Variants in TCEAL4 observed in about 807,000 individuals in gnomAD.
The protein encoded by TCEAL4 is transcription elongation factor A like 4, also known as transcription elongation factor A protein-like 4.
A neutral mutation model predicts 1.3 loss-of-function variants in TCEAL4; 1 was observed. That is an observed-to-expected ratio of 0.79 (90% CI 0.28 to 3.76). The LOEUF is 3.76. Among genes scored for constraint, TCEAL4 ranks in the 30% most tolerant of loss-of-function variants. TCEAL4 has a pLI of 0.18. For missense variants in TCEAL4, 129 were observed against 154.7 expected (o/e 0.83, Z 0.88); for synonymous variants, 54 against 50.7 (o/e 1.06, Z -0.28).
upstream of TCEAL4, chrX:103,585,401 G>A: frequency 1.1e-6 from 1 of 934,185 alleles, no homozygotes. Context: ...GGACAAAAGG[G>A]CCCAGGGAGG....
chrX:103,585,785 G>A (rs2073537886), intron 1 of TCEAL4, 161 bp downstream of exon 1: 1 of 1,126,427 alleles, frequency 8.9e-7, no homozygotes, highest in African/African-American at 1.8e-5. Flanking sequence ...AGGGGTGGCT[G>A]AGGGGGAGCA....
rs767461004 is a variant in TCEAL4 at position 103,585,585 on chromosome X, C to T, written c.-140C>T. 2.6e-6 allele frequency: 3 copies of T among 1,162,018 alleles called. No individual in the cohort carries two copies. In the South Asian group the frequency reaches 5.7e-5, roughly 22 times the overall value. On this transcript the variant is annotated 5_prime_UTR_variant, in exon 1 of 3. Coordinates refer to ENST00000472484, the MANE Select transcript of TCEAL4 (RefSeq NM_001006935.3). ...CCCCGCGGCTGGGTCTCGTCTGCTCCGGTTCCTGGGCTCCTAATTCTTGGT... is the reference window on the plus strand; with the variant it reads ...CCCCGCGGCTGGGTCTCGTCTGCTCTGGTTCCTGGGCTCCTAATTCTTGGT...
upstream of TCEAL4, among the ~76,000 whole-genome samples, chrX:103,583,880 T>A (rs2073519856): frequency 8.9e-6 from 1 of 112,290 alleles, no homozygotes; most frequent in Non-Finnish European, 1.9e-5. Context: ...AAGAAAATTA[T>A]CATTGTGGGT....
chrX:103,576,366 A>T, exon 1 of TCEAL4: 1 of 984,648 alleles, frequency 1.0e-6, no homozygotes, highest in Non-Finnish European at 1.4e-6. Flanking sequence ...TATTAAGGTT[A>T]GTATTGCTGC....
rs1228511994 is a variant in TCEAL4 at position 103,585,578 on chromosome X, T to G, written c.-147T>G. 1 of 1,165,229 alleles carries G rather than the reference T, an allele frequency of 8.6e-7. No homozygotes were observed. The highest frequency in any genetic ancestry group is 2.6e-5 in the Admixed American group (1 of 38,627). ...CCTCTGTCCCCGCGGCTGGGTCTCG[T>G]CTGCTCCGGTTCCTGGGCTCCTAAT... On this transcript the variant is annotated 5_prime_UTR_variant, in exon 1 of 3. Transcript: ENST00000472484.
rs918936320 is a variant in TCEAL4, at chrX:103,585,527, A to G, written c.-198A>G. On this transcript the variant is annotated 5_prime_UTR_variant, in exon 1 of 3. It removes an upstream start codon present in the reference 5' UTR. Coordinates refer to ENST00000472484, the MANE Select transcript of TCEAL4 (RefSeq NM_001006935.3). The stretch of plus-strand genomic sequence containing the variant: ...ATTCACGTGATCTGCACGGGCGCAG[A>G]TGTAGGCACCGGTCCGAGTGCCTGC... The G allele has an allele frequency of 3.5e-6, 4 of 1,148,086 alleles. No homozygotes were observed. Among genetic ancestry groups the G allele is most frequent in the Non-Finnish European group, 4.6e-6 (4 of 861,815 alleles). The allele number at this position is 1,148,086 out of a possible 1,213,427, so 94.6% of individuals were successfully genotyped here.
Position 103,585,544 on chromosome X carries a change from A to G in TCEAL4, c.-181A>G. 1 of 1,159,202 alleles carries G rather than the reference A, an allele frequency of 8.6e-7. No individual in the cohort carries two copies. The highest frequency in any genetic ancestry group is 1.2e-6 in the Non-Finnish European group (1 of 867,980). ...GGGCGCAGATGTAGGCACCGGTCCG[A>G]GTGCCTGCCCTCTGTCCCCGCGGCT... On this transcript the variant is annotated 5_prime_UTR_variant, in exon 1 of 3. Coordinates refer to ENST00000472484, the MANE Select transcript of TCEAL4 (RefSeq NM_001006935.3).
At chrX:103,578,671 C>T (rs2073494578) in intron 2 of TCEAL4, among the ~76,000 whole-genome samples, 1 of 111,511 alleles carries the variant, frequency 9.0e-6, no homozygotes, top group East Asian at 2.8e-4. Flanking sequence ...AGATCCTTTG[C>T]CCATTTTAAA....
upstream of TCEAL4, among the ~76,000 whole-genome samples, chrX:103,580,702 C>T (rs1603159008): frequency 9.0e-6 from 1 of 111,477 alleles, no homozygotes; most frequent in East Asian, 2.8e-4. Context: ...AGCAATCCAC[C>T]CACCTTGGCT....
upstream of TCEAL4, among the ~76,000 whole-genome samples, chrX:103,581,256 C>A (rs2073506623): frequency 9.0e-6 from 1 of 110,922 alleles, no homozygotes; most frequent in Non-Finnish European, 1.9e-5. Context: ...CTAACAGCAA[C>A]AACAACAAAA....
Position 103,586,952 on chromosome X carries a change from A to G in TCEAL4, c.277A>G (p.Lys93Glu). The G allele has an allele frequency of 2.5e-6, 3 of 1,209,600 alleles. No individual in the cohort carries two copies. Among genetic ancestry groups the G allele is most frequent in the Non-Finnish European group, 3.4e-6 (3 of 894,628 alleles). The change falls in exon 3 of 3, where the codon AAA becomes GAA. Residue 93 changes from lysine to glutamate, a missense_variant. Physicochemically the swap from Lys to Glu is moderately conservative, Grantham distance 56. Around this residue, in one of 2 missense-constraint regions of TCEAL4, gnomAD observed 116 missense variants for 120.3 expected, o/e 0.96. Transcript: ENST00000472484. ...EMEGGSEREG[K>E]PEIEGKPESE... is the part of the protein sequence containing the mutation. ...GGAGGGAGGATCAGAGAGAGAGGGAAAACCAGAGATAGAGGGAAAGCCAGA... is the reference window on the plus strand; with the variant it reads ...GGAGGGAGGATCAGAGAGAGAGGGAGAACCAGAGATAGAGGGAAAGCCAGA...
intron 2 of TCEAL4, 159 bp downstream of exon 2, chrX:103,586,450 A>G (rs1223989267): frequency 2.4e-6 from 2 of 836,125 alleles, no homozygotes; most frequent in Non-Finnish European, 3.3e-6. Flanking sequence ...AGAGCCTGTC[A>G]GGCAATGGCT....
intron 2 of TCEAL4, among the ~76,000 whole-genome samples, chrX:103,580,223 C>T (rs753076292): frequency 8.0e-5 from 9 of 112,037 alleles, no homozygotes; most frequent in Middle Eastern, 9.2e-3. Flanking sequence ...ATTATTTTTA[C>T]TGTGTATTAA....
intron 2 of TCEAL4, 80 bp downstream of exon 2, chrX:103,586,371 G>A: frequency 9.2e-7 from 1 of 1,090,758 alleles, no homozygotes; most frequent in Non-Finnish European, 1.2e-6. Context: ...GCCGAATTGG[G>A]GCCTTTCCCA....
chrX:103,576,555 G>A, intron 1 of TCEAL4: 1 of 899,959 alleles, frequency 1.1e-6, no homozygotes, highest in Non-Finnish European at 1.6e-6. Flanking sequence ...CCTGAGGTCA[G>A]GAGTTTGAGG....
intron 1 of TCEAL4, chrX:103,585,829 C>A: frequency 9.5e-7 from 1 of 1,052,242 alleles, no homozygotes; most frequent in Non-Finnish European, 1.3e-6. Context: ...GGAAGGCGAG[C>A]ACCCCCAAGT....
In TCEAL4 at chrX:103,585,937, G is replaced by A. The variant is rs1045449664; in HGVS notation, c.-100-282G>A. On this transcript the variant is annotated intron_variant, in intron 1 of 2. Coordinates refer to ENST00000472484, the MANE Select transcript of TCEAL4 (RefSeq NM_001006935.3). ...GGGCCGCCCCAGTAGTGAGACAGTGGAAGTAAACCCCATCTGCCGTTCCCG... is the reference window on the plus strand; with the variant it reads ...GGGCCGCCCCAGTAGTGAGACAGTGAAAGTAAACCCCATCTGCCGTTCCCG... The A allele has an allele frequency of 5.6e-6, 6 of 1,075,830 alleles. No individual in the cohort carries two copies. The African/African-American group carries it at 1.1e-4, about 21-fold the overall frequency. The allele number at this position is 1,075,830 out of a possible 1,213,427, so 88.7% of individuals were successfully genotyped here. A position where few individuals can be genotyped will look rare whatever the true frequency, so the allele number is the denominator to read the frequency against.
intron 2 of TCEAL4, among the ~76,000 whole-genome samples, chrX:103,579,795 T>C (rs1018723280): frequency 3.6e-5 from 4 of 112,097 alleles, no homozygotes; most frequent in African/African-American, 1.3e-4. Flanking sequence ...TATCTGAATG[T>C]ATGTCAGAAA....
rs1204374631 is a variant in TCEAL4, at chrX:103,586,948, G to C, written c.273G>C (p.Glu91Asp). The C allele has an allele frequency of 1.7e-6, 2 of 1,208,988 alleles. No homozygotes were observed. Among genetic ancestry groups the C allele is most frequent in the South Asian group, 1.8e-5 (1 of 56,697 alleles). The part of the protein sequence containing the change: ...ESEMEGGSER[E>D]GKPEIEGKPE... ...AGATGGAGGGAGGATCAGAGAGAGAGGGAAAACCAGAGATAGAGGGAAAGC... is the reference window on the plus strand; with the variant it reads ...AGATGGAGGGAGGATCAGAGAGAGACGGAAAACCAGAGATAGAGGGAAAGC... The change falls in exon 3 of 3, where the codon GAG (glutamate) becomes GAC (aspartate). Residue 91 changes from glutamate (E) to aspartate (D), a missense_variant. Coordinates refer to ENST00000472484, the MANE Select transcript of TCEAL4 (RefSeq NM_001006935.3).
Sources: gnomAD v4.1 joint callset for allele counts (sites outside exome capture counted in the v4.1 genomes callset) on GRCh38, gnomAD v4.1.1 for gene constraint, gnomAD v4.1.1 regional missense constraint, MANE v1.5 for transcripts, NCBI Gene and HGNC (gene_info 2026-07-23, HGNC 2026-07-21) for gene names.